The following TFCP2 variants were observed in gnomAD, a reference collection of about 807,000 sequenced individuals.
The protein encoded by TFCP2 is alpha-globin transcription factor CP2.
In TFCP2, 33 loss-of-function variants were observed where a neutral mutation model predicts 73.4. The observed-to-expected ratio is 0.45, with a 90% CI of 0.34 to 0.60. The LOEUF (loss-of-function observed/expected upper bound fraction) is 0.60. Among genes scored for constraint, TFCP2 ranks in the 20% least tolerant of loss-of-function variants. The pLI, the probability that TFCP2 is intolerant of heterozygous loss-of-function variation, is 0.01. For synonymous variants in TFCP2, 193 were observed against 211.6 expected, an observed-to-expected ratio of 0.91 and a Z score of 0.76; for missense variants, 352 against 604.0, an observed-to-expected ratio of 0.58 and a Z score of 4.37.
At chr12:51,156,983 T>C (rs1031040404) in intron 1 of TFCP2, 2 of 151,838 alleles carry the variant, frequency 1.3e-5, no homozygotes, top group Non-Finnish European at 2.9e-5. Flanking sequence ...CAGCCTACAA[T>C]TGCTTATCGT....
intron 6 of TFCP2, among the ~76,000 whole-genome samples, chr12:51,107,867 G>A (rs1940291467): frequency 6.6e-6 from 1 of 151,770 alleles, no homozygotes; most frequent in African/African-American, 2.4e-5. Flanking sequence ...GCCTCCCAAA[G>A]TGCTGGGATT....
intron 1 of TFCP2, among the ~76,000 whole-genome samples, chr12:51,138,825 A>G (rs940731699): frequency 6.6e-6 from 1 of 151,964 alleles, no homozygotes; most frequent in Non-Finnish European, 1.5e-5. Context: ...TTCACTAGAG[A>G]CGGGGTTTCT....
intron 1 of TFCP2, among the ~76,000 whole-genome samples, chr12:51,171,870 A>C (rs1250201334): frequency 3.9e-5 from 6 of 152,222 alleles, no homozygotes; most frequent in Non-Finnish European, 5.9e-5. Context: ...AAGGACTTCC[A>C]TATCTTTCCA....
chr12:51,117,983 T>C (rs1185192749), intron 2 of TFCP2, among the ~76,000 whole-genome samples: 1 of 152,184 alleles, frequency 6.6e-6, no homozygotes, highest in Admixed American at 6.5e-5. Context: ...GACAAAGAAA[T>C]TGAAACTTAA....
At chr12:51,108,513 C>A (rs1226655358) in intron 6 of TFCP2, among the ~76,000 whole-genome samples, 1 of 152,088 alleles carries the variant, frequency 6.6e-6, no homozygotes, top group East Asian at 1.9e-4. Flanking sequence ...GTGGCTTACA[C>A]CTGTAATCCC....
intron 1 of TFCP2, among the ~76,000 whole-genome samples, chr12:51,158,749 A>T (rs556421508): frequency 7.3e-4 from 110 of 151,296 alleles, no homozygotes; most frequent in Middle Eastern, 3.4e-3. Context: ...TTGGCCTCCC[A>T]AAGTGCTGAG....
chr12:51,129,514 CAAAAAAA>C (rs5798159), intron 1 of TFCP2, among the ~76,000 whole-genome samples: 169 of 126,182 alleles, frequency 1.3e-3, no homozygotes, highest in Admixed American at 1.5e-3. Flanking sequence ...GACCCCGTCT[CAAAAAAA>C]AAAAAAAAAA....
At chr12:51,114,586 CAG>C (rs977415484) in intron 4 of TFCP2, among the ~76,000 whole-genome samples, 2 of 151,424 alleles carry the variant, frequency 1.3e-5, no homozygotes, top group Admixed American at 6.6e-5. Flanking sequence ...GCCTGGGCGA[CAG>C]AGGGAGACTC....
intron 1 of TFCP2, among the ~76,000 whole-genome samples, chr12:51,149,036 A>AAAAAAAAAAAAAC (rs1941363567): frequency 1.3e-5 from 2 of 148,994 alleles, no homozygotes; most frequent in Non-Finnish European, 3.0e-5. Flanking sequence ...AAAAAAAAAA[A>AAAAAAAAAAAAAC]AAAAACAGAA....
intron 1 of TFCP2, among the ~76,000 whole-genome samples, chr12:51,142,290 A>G (rs1941212916): frequency 6.6e-6 from 1 of 151,922 alleles, no homozygotes; most frequent in Non-Finnish European, 1.5e-5. Context: ...AATAGTCAAG[A>G]CAATGCTGCT....
At chr12:51,095,892 G>T in intron 14 of TFCP2, 97 bp downstream of exon 14, 1 of 858,838 alleles carries the variant, frequency 1.2e-6, no homozygotes. Context: ...CCCAAATATG[G>T]TTACTTTTCC....
chr12:51,107,812 G>A (rs1047913120), intron 6 of TFCP2, among the ~76,000 whole-genome samples: 2 of 151,706 alleles, frequency 1.3e-5, no homozygotes, highest in African/African-American at 4.8e-5. Flanking sequence ...CACCATTTTG[G>A]TCAGGCTGGT....
At chr12:51,121,105 C>T (rs886344773) in intron 1 of TFCP2, among the ~76,000 whole-genome samples, 25 of 151,752 alleles carry the variant, frequency 1.6e-4, no homozygotes, top group African/African-American at 5.6e-4. Flanking sequence ...GAACAGGGTA[C>T]ATGAAATAAA....
At chr12:51,133,300 C>A (rs1002362279) in intron 1 of TFCP2, among the ~76,000 whole-genome samples, 2 of 151,860 alleles carry the variant, frequency 1.3e-5, no homozygotes, top group African/African-American at 4.8e-5. Context: ...TAAAATATAC[C>A]TATTTTCACT....
At chr12:51,164,923 C>T (rs1403718601) in intron 1 of TFCP2, among the ~76,000 whole-genome samples, 1 of 152,200 alleles carries the variant, frequency 6.6e-6, no homozygotes, top group Non-Finnish European at 1.5e-5. Flanking sequence ...CACATGGCTG[C>T]ATTGGCAAAT....
intron 1 of TFCP2, among the ~76,000 whole-genome samples, chr12:51,162,141 AC>A (rs963757535): frequency 5.3e-5 from 8 of 152,032 alleles, no homozygotes; most frequent in Non-Finnish European, 1.2e-4. Context: ...GGAAAAAAAA[AC>A]GAACAAAGAA....
chr12:51,105,634 C>A lies in TFCP2; in HGVS notation c.917+891G>T, dbSNP rs1940217412. 5.3e-5 allele frequency among the ~76,000 whole-genome samples: 8 copies of A among 152,074 alleles called. No homozygotes were observed. The South Asian group carries it at 1.7e-3, about 31-fold the overall frequency. On this transcript the variant is annotated intron_variant, in intron 8 of 14. Transcript: ENST00000257915. ...CTTTTTCCTTTTTTAGCCTTAGCTGCAAAATTCAAATTTGGTATTCGAACT... is the reference window on the plus strand; with the variant it reads ...CTTTTTCCTTTTTTAGCCTTAGCTGAAAAATTCAAATTTGGTATTCGAACT...
At chr12:51,129,289 G>A (rs187537843) in intron 1 of TFCP2, among the ~76,000 whole-genome samples, 2 of 151,998 alleles carry the variant, frequency 1.3e-5, no homozygotes, top group East Asian at 1.9e-4. Context: ...TGAGGTGGGC[G>A]GATCACGAGG....
In TFCP2 at chr12:51,095,283, TAA is replaced by T. The variant is rs766328281; in HGVS notation, c.1472-7_1472-6del. 6.2e-7 allele frequency: 1 copy of T among 1,612,746 alleles called. No individual in the cohort carries two copies. Among genetic ancestry groups the T allele is most frequent in the Non-Finnish European group, 8.5e-7 (1 of 1,179,414 alleles). ...GATAGCTATCATTGGTTTCTGCTGT[TAA>T]AAAAAAGAGAGAGAGAGAATCATCT... On this transcript the variant is annotated splice_region_variant and splice_polypyrimidine_tract_variant and intron_variant, in intron 14 of 14. Coordinates refer to ENST00000257915, the MANE Select transcript of TFCP2 (RefSeq NM_005653.5).
Sources: gnomAD v4.1 joint callset for allele counts (sites outside exome capture counted in the v4.1 genomes callset) on GRCh38, gnomAD v4.1.1 for gene constraint, MANE v1.5 for transcripts, NCBI Gene and HGNC (gene_info 2026-07-23, HGNC 2026-07-21) for gene names.